The following FLNB variants were observed in gnomAD, a reference collection of about 807,000 sequenced individuals.
FLNB encodes the protein filamin-B.
A neutral mutation model predicts 250.6 loss-of-function variants in FLNB; 111 were observed. That is an observed-to-expected ratio of 0.44 (90% confidence interval 0.38 to 0.52). The LOEUF (loss-of-function observed/expected upper bound fraction) is 0.52. Ranked by LOEUF, FLNB falls within the 20% of genes least tolerant of loss-of-function variation. The probability of loss-of-function intolerance (pLI) is 0.00; values close to 1 mark genes in which losing one functional copy is unlikely to be tolerated. For missense variants in FLNB, 2,869 were observed against 3,447.8 expected (o/e 0.83, Z 4.20); for synonymous variants, 1,302 against 1,372.1 (o/e 0.95, Z 1.13).
rs1418348371 is a variant in FLNB at position 58,117,794 on chromosome 3, T to TGTGTGCAGTGC, written c.2746-1078_2746-1077insGTGTGCAGTGC. 3.8e-3 allele frequency among the ~76,000 whole-genome samples: 582 copies of TGTGTGCAGTGC among 152,080 alleles called. 4 individuals are homozygous for TGTGTGCAGTGC. The highest frequency in any genetic ancestry group is 6.0e-3 in the Non-Finnish European group (409 of 67,906). On this transcript the variant is annotated intron_variant, in intron 18 of 45. Coordinates refer to ENST00000295956, the MANE Select transcript of FLNB (RefSeq NM_001457.4). ...CTCTCTTCATTGATGCAACCAGTTT[T>TGTGTGCAGTGC]TTTTTTTTTTTCTTGGCCTTTACCC...
intron 1 of FLNB, among the ~76,000 whole-genome samples, chr3:58,012,991 G>A (rs558450302): frequency 6.6e-6 from 1 of 152,318 alleles, no homozygotes; most frequent in East Asian, 1.9e-4. Flanking sequence ...TTGTAAGGTA[G>A]GCCCCTAGGC....
chr3:58,021,437 C>G (rs1467557174), intron 1 of FLNB, among the ~76,000 whole-genome samples: 1 of 152,104 alleles, frequency 6.6e-6, no homozygotes, highest in Non-Finnish European at 1.5e-5. Flanking sequence ...GGGATGGGGG[C>G]CCTCGGTGGA....
At chr3:58,068,797 C>G (rs1411732036) in intron 1 of FLNB, among the ~76,000 whole-genome samples, 2 of 152,024 alleles carry the variant, frequency 1.3e-5, no homozygotes, top group Non-Finnish European at 2.9e-5. Flanking sequence ...GTAGGCTCAC[C>G]CAAGCAGCCA....
At chr3:58,120,062 G>A (rs938588895) in intron 19 of FLNB, among the ~76,000 whole-genome samples, 11 of 152,200 alleles carry the variant, frequency 7.2e-5, no homozygotes, top group African/African-American at 2.7e-4. Context: ...CCAGGACGGG[G>A]CCTCCTGTAT....
At chr3:58,117,181 C>T (rs1401111633) in intron 18 of FLNB, among the ~76,000 whole-genome samples, 1 of 152,224 alleles carries the variant, frequency 6.6e-6, no homozygotes, top group Non-Finnish European at 1.5e-5. Context: ...TCCCTCACTT[C>T]ATAGCCCTGT....
intron 3 of FLNB, among the ~76,000 whole-genome samples, chr3:58,080,748 T>C (rs2097208014): frequency 6.7e-6 from 1 of 149,366 alleles, no homozygotes; most frequent in African/African-American, 2.5e-5. Context: ...CACCTCGGCC[T>C]CCCAAAGTGC....
intron 4 of FLNB, among the ~76,000 whole-genome samples, chr3:58,087,748 C>G (rs1304127692): frequency 6.7e-6 from 1 of 149,122 alleles, no homozygotes; most frequent in Non-Finnish European, 1.5e-5. Context: ...CTGCGCCCAG[C>G]CTTTTTTTTG....
chr3:58,152,478 GA>G (rs1355415577), intron 38 of FLNB, among the ~76,000 whole-genome samples: 2 of 152,218 alleles, frequency 1.3e-5, no homozygotes, highest in Non-Finnish European at 2.9e-5. Context: ...ACATGCTGGA[GA>G]ACGGAGGGAG....
At chr3:58,113,127 A>G (rs944252327) in intron 18 of FLNB, among the ~76,000 whole-genome samples, 1 of 152,232 alleles carries the variant, frequency 6.6e-6, no homozygotes, top group African/African-American at 2.4e-5. Context: ...TCGTGCACCC[A>G]TCACCACCAT....
intron 22 of FLNB, 106 bp from the exon 23 acceptor site, chr3:58,125,475 T>C (rs2097296210): frequency 1.2e-5 from 15 of 1,293,566 alleles, no homozygotes; most frequent in Non-Finnish European, 1.7e-5. Flanking sequence ...TAACATAGTA[T>C]AGCATGCAGA....
At chr3:58,068,357 A>G (rs1041529249) in intron 1 of FLNB, among the ~76,000 whole-genome samples, 1 of 152,184 alleles carries the variant, frequency 6.6e-6, no homozygotes, top group African/African-American at 2.4e-5. Context: ...GGTCCCCTTC[A>G]TCCTACCCAG....
intron 24 of FLNB, among the ~76,000 whole-genome samples, chr3:58,127,911 T>C (rs6784426): frequency 0.35 from 52,802 of 151,940 alleles, 10,803 homozygotes; most frequent in East Asian, 0.91. Context: ...ATGAATTCTA[T>C]AGTGGTGAAT....
intron 1 of FLNB, among the ~76,000 whole-genome samples, chr3:58,059,033 T>C (rs1366623854): frequency 6.6e-6 from 1 of 152,214 alleles, no homozygotes; most frequent in East Asian, 1.9e-4. Flanking sequence ...ACTGTAGCCC[T>C]CTCTTTGAGA....
chr3:58,120,536 G>T (rs2097286934), intron 19 of FLNB, among the ~76,000 whole-genome samples: 1 of 152,162 alleles, frequency 6.6e-6, no homozygotes, highest in African/African-American at 2.4e-5. Context: ...TAACACTTGG[G>T]CTTCCTGCAG....
chr3:58,153,678 T>C (rs1469771704), intron 39 of FLNB, 37 bp downstream of exon 39: 34 of 1,612,202 alleles, frequency 2.1e-5, no homozygotes, highest in Admixed American at 5.0e-5. Context: ...TTGGGAAGAA[T>C]AGAGTTGAGC....
Position 58,148,677 on chromosome 3 carries a change from C to T in FLNB, c.5916C>T (p.Gly1972=), listed in dbSNP as rs112942586. 3.7e-5 allele frequency: 60 copies of T among 1,613,936 alleles called. No individual in the cohort carries two copies. The highest frequency in any genetic ancestry group is 5.3e-5 in the African/African-American group (4 of 74,904). ...TCTCCTTCATCCCCCGGGAAGTGGG[C>T]GAACATCTGGTCAGCATCAAGAAAA... ...IGISFIPREV[G]EHLVSIKKNG... is the part of the protein sequence containing the mutation. Residue 1972 remains glycine (G), a synonymous_variant, in exon 36 of 46, where the codon GGC becomes GGT. Coordinates refer to ENST00000295956, the MANE Select transcript of FLNB (RefSeq NM_001457.4).
rs2097235814 is a variant in FLNB at position 58,095,065 on chromosome 3, GT to G, written c.906+117del. ...TTCATTTCAGCTCACAACCAAAAGT[GT>G]TTTTTACCAAAAGGATACTGAGGCT... On this transcript the variant is annotated intron_variant, in intron 5 of 45. Transcript: ENST00000295956. 4 of 897,142 alleles carry G rather than the reference GT, an allele frequency of 4.5e-6. No individual in the cohort carries two copies. The South Asian group carries it at 5.3e-5, about 12-fold the overall frequency. The allele number at this position is 897,142 out of a possible 1,614,324, so 55.6% of individuals were successfully genotyped here. A position where few individuals can be genotyped will look rare whatever the true frequency, so the allele number is the denominator to read the frequency against.
chr3:58,137,722 A>G (rs1373958908), intron 28 of FLNB, among the ~76,000 whole-genome samples: 1 of 152,220 alleles, frequency 6.6e-6, no homozygotes, highest in Non-Finnish European at 1.5e-5. Context: ...CCCATCCTTC[A>G]GGGTTCAGCC....
chr3:58,078,928 A>G, intron 3 of FLNB, 114 bp downstream of exon 3: 1 of 716,902 alleles, frequency 1.4e-6, no homozygotes, highest in Non-Finnish European at 2.5e-6. Context: ...TTCAGAGAGC[A>G]TTGCCTGTGA....
Sources: allele counts gnomAD v4.1 joint callset (sites outside exome capture counted in the v4.1 genomes callset), GRCh38; gene constraint gnomAD v4.1.1; transcripts MANE v1.5; gene names NCBI Gene and HGNC (gene_info 2026-07-23, HGNC 2026-07-21).